Variants in AP4B1 observed in about 807,000 individuals in gnomAD.
AP4B1 encodes the protein AP-4 complex subunit beta-1.
AP4B1 carries 49 observed loss-of-function variants against 76.5 expected under a neutral mutation model. That is an observed-to-expected ratio of 0.64 (90% CI 0.51 to 0.81). The LOEUF (loss-of-function observed/expected upper bound fraction) is 0.81. AP4B1 is among the 40% of genes least tolerant of loss of function. AP4B1 has a pLI of 0.00. For synonymous variants in AP4B1, 330 were observed against 333.3 expected (o/e 0.99, Z 0.11); for missense variants, 911 against 904.9 (o/e 1.01, Z -0.09).
At chr1:113,899,601 G>C (rs1210406531) in intron 5 of AP4B1, among the ~76,000 whole-genome samples, 1 of 152,028 alleles carries the variant, frequency 6.6e-6, no homozygotes, top group Non-Finnish European at 1.5e-5. Context: ...ACGATACTGT[G>C]GTAAGATGAT....
chr1:113,895,622 A>T (rs150096213), intron 9 of AP4B1, 130 bp from the exon 10 acceptor site: 2 of 1,530,056 alleles, frequency 1.3e-6, no homozygotes, highest in East Asian at 4.5e-5. Context: ...CCAGTGACGA[A>T]CCTCTTTCTT....
chr1:113,895,958 G>A lies in AP4B1; in HGVS notation c.1591C>T (p.Arg531Trp), dbSNP rs745939325. The A allele has an allele frequency of 5.4e-5, 87 of 1,614,024 alleles. No individual in the cohort carries two copies. The highest frequency in any genetic ancestry group is 4.5e-4 in the East Asian group (20 of 44,890). Residue 531 changes from arginine to tryptophan, a missense_variant, in exon 9 of 10, where the codon CGG (arginine) becomes TGG (tryptophan). By Grantham distance (101) the Arg-to-Trp change is moderately radical. Transcript: ENST00000369569. ...TCAGATTTAGGGCTACACAGAATCC[G>A]CTTAACTTCATCAATGCCAACTAAG... ...LLLVGIDEVK[R>W]ILCSPKSDPT...
In AP4B1 at chr1:113,895,803, C is replaced by T. The variant is rs1334048230; in HGVS notation, c.1746G>A (p.Glu582=). Residue 582 remains glutamate, a synonymous_variant, in exon 9 of 10, where the codon GAG becomes GAA. Coordinates refer to ENST00000369569, the MANE Select transcript of AP4B1 (RefSeq NM_001253852.3). The part of the protein sequence containing the change: ...WATISKCQGA[E]RCDPELPKTS... ...TTTTAGGAAGCTCTGGGTCACAACGCTCTGCCCCCTGGCATTTAGAGATAG... is the reference window on the plus strand; with the variant it reads ...TTTTAGGAAGCTCTGGGTCACAACGTTCTGCCCCCTGGCATTTAGAGATAG... 2 of 1,614,254 alleles carry T rather than the reference C, an allele frequency of 1.2e-6. No homozygotes were observed. The highest frequency in any genetic ancestry group is 1.7e-6 in the Non-Finnish European group (2 of 1,180,036).
At chr1:113,902,066 T>G in intron 2 of AP4B1, 181 bp from the exon 3 acceptor site, 1 of 776,304 alleles carries the variant, frequency 1.3e-6, no homozygotes. Context: ...TTCTTGTTTT[T>G]TTCAAGATGG....
Position 113,901,222 on chromosome 1 carries a change from T to C in AP4B1, c.617+14A>G, listed in dbSNP as rs1406839691. 5 of 1,614,020 alleles carry C rather than the reference T, an allele frequency of 3.1e-6. No individual in the cohort carries two copies. In the East Asian group the frequency reaches 1.1e-4, roughly 36 times the overall value. On this transcript the variant is annotated intron_variant, in intron 4 of 9. Coordinates refer to ENST00000369569, the MANE Select transcript of AP4B1 (RefSeq NM_001253852.3). ...GCAGATCTCATAATAAAAAGAGTGC[T>C]GAGGCATCCAAACCGATTTAAGAGA...
At chr1:113,899,180 T>C in intron 5 of AP4B1, 1 of 1,060,446 alleles carries the variant, frequency 9.4e-7, no homozygotes, top group Non-Finnish European at 1.1e-6. Context: ...AAGGATTTCT[T>C]GTCTCCTCTT....
At chr1:113,903,104 T>A (rs1266489317) in intron 1 of AP4B1, among the ~76,000 whole-genome samples, 1 of 152,216 alleles carries the variant, frequency 6.6e-6, no homozygotes. Context: ...CTTGCTCTGT[T>A]ACCCAGGCTA....
chr1:113,901,044 T>G (rs1571567915), intron 4 of AP4B1, 192 bp downstream of exon 4: 1 of 720,100 alleles, frequency 1.4e-6, no homozygotes, highest in East Asian at 2.9e-5. Flanking sequence ...GAGGCGGAGG[T>G]TGCGGTAAGC....
Position 113,902,796 on chromosome 1 carries a change from T to C in AP4B1, c.180A>G (p.Val60=). Residue 60 remains valine, a synonymous_variant, in exon 2 of 10, where the codon GTA becomes GTG. Transcript: ENST00000369569. ...AAACCAACTTCTTCTGGACAATATC[T>C]ACAGTGGCACTGGCCTTCACCATTT... ...FMEMVKASAT[V]DIVQKKLVYL... 1 of 1,614,200 alleles carries C rather than the reference T, an allele frequency of 6.2e-7. No individual in the cohort carries two copies. The highest frequency in any genetic ancestry group is 8.5e-7 in the Non-Finnish European group (1 of 1,180,030).
At chr1:113,899,149 G>A (rs1667893029) in intron 5 of AP4B1, 3 of 1,114,164 alleles carry the variant, frequency 2.7e-6, no homozygotes, top group Admixed American at 9.7e-5. Context: ...TTTTGTGGGG[G>A]ACACTTGACA....
chr1:113,897,531 T>C (rs1302335054), intron 7 of AP4B1: 1 of 391,368 alleles, frequency 2.6e-6, no homozygotes, highest in Non-Finnish European at 4.8e-6. Flanking sequence ...GAGGTAGAGG[T>C]TGCAGTGGGC....
intron 7 of AP4B1, chr1:113,897,449 C>T (rs1486126831): frequency 1.1e-5 from 3 of 282,312 alleles, no homozygotes; most frequent in East Asian, 9.1e-5. Flanking sequence ...ATTAGCTGGG[C>T]GTGGTGGTGC....
chr1:113,902,897 C>A, intron 1 of AP4B1, 35 bp from the exon 2 acceptor site: 5 of 1,589,126 alleles, frequency 3.1e-6, no homozygotes, highest in Non-Finnish European at 4.3e-6. Flanking sequence ...AAGTAAAATG[C>A]AAAATCCCCA....
intron 7 of AP4B1, 138 bp from the exon 8 acceptor site, chr1:113,896,603 A>G (rs945812421): frequency 5.2e-6 from 4 of 775,320 alleles, no homozygotes; most frequent in Non-Finnish European, 8.9e-6. Context: ...CATTTAATTT[A>G]CTGATTCCCC....
chr1:113,896,718 A>G (rs565489596), intron 7 of AP4B1: 4 of 556,964 alleles, frequency 7.2e-6, no homozygotes, highest in Admixed American at 3.2e-5. Flanking sequence ...AGGTTTCCTC[A>G]GGTTTGGGGC....
At chr1:113,903,622 G>A (rs1283735861) in intron 1 of AP4B1, among the ~76,000 whole-genome samples, 1 of 152,224 alleles carries the variant, frequency 6.6e-6, no homozygotes, top group Admixed American at 6.5e-5. Context: ...CTTCACAGAG[G>A]AAGTAATACT....
At chr1:113,896,629 C>T (rs543293522) in intron 7 of AP4B1, 164 bp from the exon 8 acceptor site, 11 of 658,892 alleles carry the variant, frequency 1.7e-5, no homozygotes, top group Non-Finnish European at 2.4e-5. Context: ...ATACTCTCTA[C>T]AACAAATAGG....
At position 113,895,097 on chromosome 1, in the gene AP4B1, C is replaced by T. The variant is rs543728602; in HGVS notation, c.2188G>A (p.Val730Met). Residue 730 changes from valine (V) to methionine (M), a missense_variant, in exon 10 of 10, where the codon GTG (valine) becomes ATG (methionine). Physicochemically the swap from Val to Met is conservative, Grantham distance 21. Transcript: ENST00000369569. ...TTTATTTCTTCAATTGTTCCAATCA[C>T]AGTTTCTAATACAGAAATAAAACTA... ...LNSFISVLET[V>M]IGTIEEIKS 2.5e-6 allele frequency: 4 copies of T among 1,614,044 alleles called. No individual in the cohort carries two copies. In the African/African-American group the frequency reaches 4.0e-5, roughly 16 times the overall value.
intron 6 of AP4B1, 25 bp from the exon 7 acceptor site, chr1:113,897,968 A>G: frequency 3.1e-6 from 5 of 1,614,130 alleles, no homozygotes; most frequent in Non-Finnish European, 4.2e-6. Flanking sequence ...AGGGTACAAG[A>G]GCACAGGATT....
Sources: gnomAD v4.1 joint callset for allele counts (sites outside exome capture counted in the v4.1 genomes callset) on GRCh38, gnomAD v4.1.1 for gene constraint, MANE v1.5 for transcripts, NCBI Gene and HGNC (gene_info 2026-07-23, HGNC 2026-07-21) for gene names.